ARHGAP24: variants seen among roughly 807,000 people sequenced by gnomAD.
ARHGAP24 encodes the protein rho GTPase-activating protein 24.
ARHGAP24 carries 50 observed loss-of-function variants against 76.4 expected under a neutral mutation model. The observed-to-expected ratio is 0.65, with a 90% confidence interval of 0.52 to 0.83. The LOEUF is 0.83. Among genes scored for constraint, ARHGAP24 ranks in the 40% least tolerant of loss-of-function variants. The pLI, the probability that ARHGAP24 is intolerant of heterozygous loss-of-function variation, is 0.00. For missense variants in ARHGAP24, 930 were observed against 914.2 expected (o/e 1.02, Z -0.22); for synonymous variants, 345 against 323.3 (o/e 1.07, Z -0.72).
intron 1 of ARHGAP24, among the ~76,000 whole-genome samples, chr4:85,507,748 A>G (rs1724123125): frequency 6.6e-6 from 1 of 152,232 alleles, no homozygotes; most frequent in Admixed American, 6.5e-5. Flanking sequence ...TGTAAATCCA[A>G]GATTTCATTA....
intron 3 of ARHGAP24, among the ~76,000 whole-genome samples, chr4:85,751,366 A>G (rs1267204959): frequency 1.3e-5 from 2 of 152,164 alleles, no homozygotes; most frequent in African/African-American, 4.8e-5. Flanking sequence ...AAAACCTGCA[A>G]TATCTTATAA....
intron 2 of ARHGAP24, among the ~76,000 whole-genome samples, chr4:85,617,116 T>C (rs1720567647): frequency 6.8e-6 from 1 of 147,528 alleles, no homozygotes; most frequent in African/African-American, 2.5e-5. Context: ...TATTTAAATA[T>C]ATATTTAAAT....
At chr4:85,690,210 TTCA>T (rs1560587270) in intron 2 of ARHGAP24, among the ~76,000 whole-genome samples, 2 of 130,490 alleles carry the variant, frequency 1.5e-5, no homozygotes, top group Admixed American at 1.7e-4. Flanking sequence ...ATTGATATTC[TTCA>T]GAGATATTCA....
chr4:85,873,750 G>T (rs1732668419), intron 3 of ARHGAP24, among the ~76,000 whole-genome samples: 1 of 152,120 alleles, frequency 6.6e-6, no homozygotes, highest in South Asian at 2.1e-4. Flanking sequence ...GACCTGTTGA[G>T]AGTTCCTCAC....
intron 2 of ARHGAP24, among the ~76,000 whole-genome samples, chr4:85,620,491 TG>T (rs1455500047): frequency 6.6e-6 from 1 of 151,864 alleles, no homozygotes. Context: ...TGGTTTCGGT[TG>T]TAATGTAGTT....
intron 3 of ARHGAP24, among the ~76,000 whole-genome samples, chr4:85,770,790 T>C (rs1002015017): frequency 5.9e-5 from 9 of 152,248 alleles, no homozygotes; most frequent in African/African-American, 2.2e-4. Context: ...TGTTTGTACC[T>C]GGGAATGTTT....
At chr4:85,907,846 T>C (rs1286511847) in intron 3 of ARHGAP24, among the ~76,000 whole-genome samples, 1 of 152,170 alleles carries the variant, frequency 6.6e-6, no homozygotes, top group East Asian at 1.9e-4. Context: ...CTACTCTTCC[T>C]GTATTGCGGA....
intron 2 of ARHGAP24, among the ~76,000 whole-genome samples, chr4:85,578,274 C>T (rs948256205): frequency 3.3e-5 from 5 of 152,106 alleles, no homozygotes; most frequent in African/African-American, 9.7e-5. Flanking sequence ...ATTCCATTAG[C>T]GTGTAAGTAG....
At chr4:85,614,838 T>A (rs916498041) in intron 2 of ARHGAP24, among the ~76,000 whole-genome samples, 2 of 152,118 alleles carry the variant, frequency 1.3e-5, no homozygotes, top group Admixed American at 1.3e-4. Flanking sequence ...CTGACATTAT[T>A]AAAATTGCTC....
At position 86,000,322 on chromosome 4, in the gene ARHGAP24, C is replaced by T. The variant is rs746174968; in HGVS notation, c.2004-157C>T. The T allele has an allele frequency of 3.1e-5, 20 of 642,354 alleles. No individual in the cohort carries two copies. The South Asian group carries it at 3.4e-4, about 11-fold the overall frequency. The allele number at this position is 642,354 out of a possible 1,614,324, so 39.8% of individuals were successfully genotyped here. A position where few individuals can be genotyped will look rare whatever the true frequency, so the allele number is the denominator to read the frequency against. On this transcript the variant is annotated intron_variant, in intron 9 of 9. Transcript: ENST00000395184. Reference sequence around the variant, plus strand: ...ACAGTAAAATAATACAACAAAATTACATCCTTTAAATCATTGAAAGGGCTT... The same window carrying T: ...ACAGTAAAATAATACAACAAAATTATATCCTTTAAATCATTGAAAGGGCTT...
At chr4:85,783,162 G>C (rs150763594) in intron 3 of ARHGAP24, among the ~76,000 whole-genome samples, 2 of 152,108 alleles carry the variant, frequency 1.3e-5, no homozygotes, top group African/African-American at 4.8e-5. Context: ...GGACAAGAAG[G>C]TCTCAAGTGT....
intron 3 of ARHGAP24, among the ~76,000 whole-genome samples, chr4:85,737,142 G>GT (rs1405601613): frequency 6.6e-6 from 1 of 150,824 alleles, no homozygotes; most frequent in African/African-American, 2.4e-5. Context: ...TTGTTTGTTT[G>GT]TTTTTTGCAT....
intron 8 of ARHGAP24, among the ~76,000 whole-genome samples, chr4:85,988,268 G>A (rs1740119536): frequency 6.6e-6 from 1 of 151,656 alleles, no homozygotes; most frequent in Non-Finnish European, 1.5e-5. Flanking sequence ...GCAATAATAT[G>A]TGGATTAATA....
chr4:85,603,529 A>G (rs1720102587), intron 2 of ARHGAP24, among the ~76,000 whole-genome samples: 1 of 152,212 alleles, frequency 6.6e-6, no homozygotes, highest in African/African-American at 2.4e-5. Context: ...TAGATGTGTA[A>G]AGGAAACTAG....
At chr4:85,590,463 G>A (rs563575170) in intron 2 of ARHGAP24, among the ~76,000 whole-genome samples, 1 of 151,908 alleles carries the variant, frequency 6.6e-6, no homozygotes, top group Non-Finnish European at 1.5e-5. Flanking sequence ...GGGTTCAAGC[G>A]ATTCTCCTGC....
chr4:85,777,325 CAA>C (rs1276029512), intron 3 of ARHGAP24, among the ~76,000 whole-genome samples: 2 of 152,112 alleles, frequency 1.3e-5, no homozygotes, highest in African/African-American at 4.8e-5. Context: ...ATATTAAAAC[CAA>C]ACAGTGCATT....
chr4:85,475,738 A>C (rs1420870483), intron 1 of ARHGAP24, among the ~76,000 whole-genome samples, 179 bp downstream of exon 1: 1 of 106,228 alleles, frequency 9.4e-6, no homozygotes, highest in African/African-American at 4.1e-5. Context: ...GGGGGCGGGG[A>C]GGGATCGCAG....
chr4:85,639,398 G>A (rs1453625909), intron 2 of ARHGAP24, among the ~76,000 whole-genome samples: 2 of 152,022 alleles, frequency 1.3e-5, no homozygotes, highest in Non-Finnish European at 2.9e-5. Flanking sequence ...TCATTCAGGG[G>A]CTATAGAAGC....
intron 3 of ARHGAP24, among the ~76,000 whole-genome samples, chr4:85,858,038 T>G (rs1467021243): frequency 6.6e-6 from 1 of 152,226 alleles, no homozygotes; most frequent in Admixed American, 6.6e-5. Context: ...AAACTTTTCT[T>G]TAATACCTAC....
Sources: gnomAD v4.1 joint callset for allele counts (sites outside exome capture counted in the v4.1 genomes callset) on GRCh38, gnomAD v4.1.1 for gene constraint, MANE v1.5 for transcripts, NCBI Gene and HGNC (gene_info 2026-07-23, HGNC 2026-07-21) for gene names.